GET1: variants seen among roughly 807,000 people sequenced by gnomAD.
GET1 encodes guided entry of tail-anchored proteins factor 1, also known as congenital heart disease 5 protein.
Under a neutral mutation model 22.6 loss-of-function variants are expected in GET1, and 20 were observed. The ratio of observed to expected loss-of-function variants is 0.89; its 90% CI spans 0.62 to 1.29. GET1 has a LOEUF of 1.29. Among genes scored for constraint, GET1 ranks in the 50% most tolerant of loss-of-function variants. The pLI is 0.00. For synonymous variants in GET1, 92 were observed against 83.8 expected (o/e 1.10, Z -0.53); for missense variants, 209 against 219.9 (o/e 0.95, Z 0.31).
At chr21:39,388,760 C>T (rs1165597803) in intron 1 of GET1, among the ~76,000 whole-genome samples, 3 of 152,184 alleles carry the variant, frequency 2.0e-5, no homozygotes, top group Admixed American at 2.0e-4. Flanking sequence ...ACCTGGCGGT[C>T]ACTGCCGACT....
At position 39,406,260 on chromosome 21, in the gene GET1, A is replaced by G. The variant is rs145667256; in HGVS notation, c.*276A>G. On this transcript the variant is annotated 3_prime_UTR_variant, in exon 5 of 5. Coordinates refer to the GET1 transcript ENST00000415847. ...TATGACTGTACCTCATGTTGCCGGC[A>G]TTGGCTGGCCCCCCTGAAGCAGGAA... The G allele has an allele frequency of 1.9e-6, 3 of 1,614,068 alleles. No individual in the cohort carries two copies. In the African/African-American group the frequency reaches 4.0e-5, roughly 22 times the overall value.
rs762329708 is a variant in GET1, at chr21:39,393,253, C to T, written c.424C>T (p.Leu142=). 1 of 1,614,148 alleles carries T rather than the reference C, an allele frequency of 6.2e-7. No individual in the cohort carries two copies. Among genetic ancestry groups the T allele is most frequent in the South Asian group, 1.1e-5 (1 of 91,082 alleles). Residue 142 remains leucine (L), a synonymous_variant, in exon 4 of 5, where the codon CTG becomes TTG. Transcript: ENST00000649170. ...PSKWITPLDR[L]VAFPTRVAGG... ...TAAATGGATAACCCCTCTAGACCGC[C>T]TGGTAGCCTTTCCTACTAGAGTAGC...
chr21:39,386,199 A>G (rs2037888247), intron 1 of GET1: 1 of 152,226 alleles, frequency 6.6e-6, no homozygotes, highest in South Asian at 2.1e-4. Flanking sequence ...GACTGAAGCG[A>G]GAGGAGGATA....
At chr21:39,393,585 A>C (rs2837004) in intron 4 of GET1, among the ~76,000 whole-genome samples, 113,456 of 152,106 alleles carry the variant, frequency 0.75, 42,360 homozygotes, top group East Asian at 0.81. Flanking sequence ...TTCCAAAATT[A>C]TGTATCTTTT....
At chr21:39,380,792 C>T (rs2037508919) in intron 1 of GET1, 2 of 1,080,798 alleles carry the variant, frequency 1.9e-6, no homozygotes, top group Non-Finnish European at 2.3e-6. Flanking sequence ...GCCTCGTTTC[C>T]GTTAATCCTG....
chr21:39,403,227 C>T (rs1303104790), intron 4 of GET1, among the ~76,000 whole-genome samples: 1 of 152,238 alleles, frequency 6.6e-6, no homozygotes, highest in Non-Finnish European at 1.5e-5. Flanking sequence ...CTCCCTTACT[C>T]CTTCCGTCCT....
rs374554890 is a variant in GET1 at position 39,426,944 on chromosome 21, C to A, written c.*24-1288C>A. ...CCGTCTAGAAAAGTTTACAAACACACATAGACACAAAAAAATGCATAGAAT... is the reference window on the plus strand; with the variant it reads ...CCGTCTAGAAAAGTTTACAAACACAAATAGACACAAAAAAATGCATAGAAT... On this transcript the variant is annotated intron_variant, in intron 1 of 1. Transcript: ENST00000478273. 7.9e-4 allele frequency among the ~76,000 whole-genome samples: 121 copies of A among 152,290 alleles called. 4 individuals carry two copies. The South Asian group carries it at 0.024, about 30-fold the overall frequency.
chr21:39,398,107 A>C (rs773002902), downstream of GET1, among the ~76,000 whole-genome samples: 5 of 152,180 alleles, frequency 3.3e-5, no homozygotes, highest in Non-Finnish European at 5.9e-5. Flanking sequence ...TTAAGAAAGG[A>C]CAGAGCAGGG....
chr21:39,408,570 C>T (rs2039511399), downstream of GET1: 1 of 152,332 alleles, frequency 6.6e-6, no homozygotes, highest in Non-Finnish European at 1.5e-5. Context: ...TTGCCCATGG[C>T]TGATGAAGTG....
At chr21:39,418,495 A>G (rs1485750785) in intron 1 of GET1, among the ~76,000 whole-genome samples, 1 of 151,784 alleles carries the variant, frequency 6.6e-6, no homozygotes, top group Non-Finnish European at 1.5e-5. Flanking sequence ...GGTTATTTTT[A>G]TTTTATTTTT....
intron 1 of GET1, among the ~76,000 whole-genome samples, chr21:39,412,406 T>C (rs1250045842): frequency 6.6e-6 from 1 of 152,212 alleles, no homozygotes; most frequent in African/African-American, 2.4e-5. Context: ...TTTGAAACCT[T>C]AACTTGTTGA....
At chr21:39,409,656 G>C (rs966991485), downstream of GET1, among the ~76,000 whole-genome samples, 2 of 152,014 alleles carry the variant, frequency 1.3e-5, no homozygotes, top group Admixed American at 6.6e-5. This position sits in a 1 kb window ranked among gnomAD's most constrained non-coding sequence, Gnocchi z 4.2. Context: ...GCAGTGGCAC[G>C]ATCTTGGCTC....
downstream of GET1, among the ~76,000 whole-genome samples, chr21:39,398,302 C>T (rs554789660): frequency 2.6e-4 from 40 of 152,260 alleles, no homozygotes; most frequent in Admixed American, 9.2e-4. Context: ...GCCTAACTCC[C>T]GTTTTAGTAA....
At chr21:39,387,008 C>T (rs1339494212) in intron 1 of GET1, among the ~76,000 whole-genome samples, 1 of 152,044 alleles carries the variant, frequency 6.6e-6, no homozygotes, top group East Asian at 1.9e-4. Context: ...CACAGGCGTG[C>T]ACCACCACAC....
chr21:39,426,896 A>G (rs2074806747), intron 1 of GET1, among the ~76,000 whole-genome samples: 1 of 152,242 alleles, frequency 6.6e-6, no homozygotes, highest in Non-Finnish European at 1.5e-5. Context: ...TAACCTTTTG[A>G]GACTCTGATG....
chr21:39,380,926 G>GGT, intron 1 of GET1: 1 of 161,952 alleles, frequency 6.2e-6, no homozygotes, highest in Non-Finnish European at 1.2e-5. Flanking sequence ...CTTGGGGTGG[G>GGT]TAGGGTGGGA....
At chr21:39,416,764 A>T (rs1370345206) in intron 1 of GET1, among the ~76,000 whole-genome samples, 2 of 152,210 alleles carry the variant, frequency 1.3e-5, no homozygotes, top group African/African-American at 2.4e-5. Flanking sequence ...CAAAACAACA[A>T]CATCAACATC....
At chr21:39,420,600 A>T in intron 1 of GET1, 3 of 888,462 alleles carry the variant, frequency 3.4e-6, no homozygotes, top group Non-Finnish European at 5.1e-6. Context: ...GGAGCCTTAT[A>T]TATGTATGTA....
At chr21:39,384,688 T>C (rs911187195) in intron 1 of GET1, among the ~76,000 whole-genome samples, 1 of 151,962 alleles carries the variant, frequency 6.6e-6, no homozygotes, top group East Asian at 1.9e-4. Context: ...AAGTCTAGTA[T>C]TCATTAGTTA....
Sources: allele counts gnomAD v4.1 joint callset (sites outside exome capture counted in the v4.1 genomes callset), GRCh38; gene constraint gnomAD v4.1.1; non-coding constraint Gnocchi (gnomAD v3.1); transcripts MANE v1.5; gene names NCBI Gene and HGNC (gene_info 2026-07-23, HGNC 2026-07-21).